The following EXOC3L4 variants were observed in gnomAD, a reference collection of about 807,000 sequenced individuals.
The protein encoded by EXOC3L4 is exocyst complex component 3-like protein 4.
Under a neutral mutation model 69.7 loss-of-function variants are expected in EXOC3L4, and 62 were observed. The ratio of observed to expected loss-of-function variants is 0.89; its 90% CI spans 0.72 to 1.10. The LOEUF (loss-of-function observed/expected upper bound fraction) is 1.10, where lower values mean the gene tolerates loss of function less well. Ranked by LOEUF, EXOC3L4 falls within the 50% of genes least tolerant of loss-of-function variation. EXOC3L4 has a pLI of 0.00. For missense variants in EXOC3L4, 1,087 were observed against 1,034.8 expected (o/e 1.05, Z -0.69); for synonymous variants, 502 against 464.2 (o/e 1.08, Z -1.05).
At chr14:103,103,707 C>T (rs1282994997) in intron 3 of EXOC3L4, 5 of 520,714 alleles carry the variant, frequency 9.6e-6, no homozygotes, top group South Asian at 5.0e-5. Context: ...TCTGGGTAGC[C>T]GTCCTTCAGC....
Position 103,102,580 on chromosome 14 carries a change from T to G in EXOC3L4, c.857T>G (p.Val286Gly). The change falls in exon 3 of 12, where the codon GTT (valine) becomes GGT (glycine). Residue 286 changes from valine (V) to glycine (G), a missense_variant. Physicochemically the swap from Val to Gly is moderately radical, Grantham distance 109. Coordinates refer to ENST00000688303, the MANE Select transcript of EXOC3L4 (RefSeq NM_001077594.2). ...CTTCTGGCCGAGCTGGGTGGCTTGG[T>G]TCGCCGCGACCTGCAGAAGGTGCGG... ...AQLLAELGGL[V>G]RRDLQKVRQE... 1 of 1,465,208 alleles carries G rather than the reference T, an allele frequency of 6.8e-7. No individual in the cohort carries two copies. The highest frequency in any genetic ancestry group is 9.0e-7 in the Non-Finnish European group (1 of 1,111,640). The allele number at this position is 1,465,208 out of a possible 1,614,324, so 90.8% of individuals were successfully genotyped here. A position where few individuals can be genotyped will look rare whatever the true frequency, so the allele number is the denominator to read the frequency against.
Position 103,110,296 on chromosome 14 carries a change from G to A in EXOC3L4, c.*73G>A, listed in dbSNP as rs1890863602. On this transcript the variant is annotated 3_prime_UTR_variant, in exon 12 of 12. Transcript: ENST00000688303. Reference sequence around the variant, plus strand: ...CAGTGGGGGTCAGCCAGGAGCCCAGGGAGTCACTCTGGGCCCTGCCCCCAA... The same window carrying A: ...CAGTGGGGGTCAGCCAGGAGCCCAGAGAGTCACTCTGGGCCCTGCCCCCAA... 1.4e-6 allele frequency: 2 copies of A among 1,462,504 alleles called. No individual in the cohort carries two copies. The highest frequency in any genetic ancestry group is 1.3e-5 in the South Asian group (1 of 79,396). 90.6% of individuals were successfully genotyped at this position (1,462,504 alleles called of 1,614,324 possible).
intron 2 of EXOC3L4, among the ~76,000 whole-genome samples, chr14:103,101,573 T>C (rs1890187061): frequency 6.6e-6 from 1 of 152,066 alleles, no homozygotes; most frequent in Non-Finnish European, 1.5e-5. Context: ...ACACAGCTGA[T>C]CACAGGGTTG....
chr14:103,107,204 G>A (rs1033696489), intron 8 of EXOC3L4, among the ~76,000 whole-genome samples: 7 of 152,182 alleles, frequency 4.6e-5, no homozygotes, highest in African/African-American at 9.7e-5. Flanking sequence ...GGCATGCCCT[G>A]AGCAGATCTG....
rs61730322 is a variant in EXOC3L4, at chr14:103,100,437, C to T, written c.218C>T (p.Thr73Met). 8.2e-3 allele frequency: 13,269 copies of T among 1,613,224 alleles called. 688 individuals carry two copies. The African/African-American group carries it at 0.13, about 16-fold the overall frequency. ...TTGACCCAGGTCTCCAAGGAAGATA[C>T]GGGCCTGTTCCGGCGAAGCTCCTGC... ...RALTQVSKED[T>M]GLFRRSSCSL... Residue 73 changes from threonine (T) to methionine (M), a missense_variant, in exon 2 of 12, where the codon ACG becomes ATG. Transcript: ENST00000688303.
intron 7 of EXOC3L4, among the ~76,000 whole-genome samples, chr14:103,106,176 G>C (rs1890537558): frequency 6.6e-6 from 1 of 152,254 alleles, no homozygotes; most frequent in Non-Finnish European, 1.5e-5. Context: ...TGGCCACGTA[G>C]CCAGGAAGTG....
rs1410338650 is a variant in EXOC3L4 at position 103,102,475 on chromosome 14, G to A, written c.752G>A (p.Arg251Gln). Residue 251 changes from arginine to glutamine, a missense_variant, in exon 3 of 12, where the codon CGA (arginine) becomes CAA (glutamine). Physicochemically the swap from Arg to Gln is conservative, Grantham distance 43 (BLOSUM62 1). Transcript: ENST00000688303. ...CAGCACTGGGAGGAGGCGGTGCGGC[G>A]AAGCGCTCAGGAGCGCGTGCGGCGG... ...WRQHWEEAVRRSAQERVRRPG... is the reference protein window; with the variant it reads ...WRQHWEEAVRQSAQERVRRPG... 6.9e-6 allele frequency: 10 copies of A among 1,442,014 alleles called. No homozygotes were observed. Among genetic ancestry groups the A allele is most frequent in the South Asian group, 1.5e-5 (1 of 68,840 alleles). The allele number at this position is 1,442,014 out of a possible 1,614,324, so 89.3% of individuals were successfully genotyped here.
Position 103,102,254 on chromosome 14 carries a change from G to A in EXOC3L4, c.531G>A (p.Arg177=). The A allele has an allele frequency of 6.3e-7, 1 of 1,586,756 alleles. No individual in the cohort carries two copies. The highest frequency in any genetic ancestry group is 8.6e-7 in the Non-Finnish European group (1 of 1,168,618). Reference sequence around the variant, plus strand: ...AGCAGGACCCTACGGCCTTCGCGCGGCGCGCTATGGACGTGTGCCTGCTTT... The same window carrying A: ...AGCAGGACCCTACGGCCTTCGCGCGACGCGCTATGGACGTGTGCCTGCTTT... ...TFEQDPTAFA[R]RAMDVCLLYD... The change falls in exon 3 of 12, where the codon CGG becomes CGA. Residue 177 remains arginine, a synonymous_variant. Transcript: ENST00000688303.
At chr14:103,105,431 T>C (rs1020146061) in intron 7 of EXOC3L4, among the ~76,000 whole-genome samples, 4 of 148,072 alleles carry the variant, frequency 2.7e-5, no homozygotes, top group Non-Finnish European at 4.5e-5. Context: ...TGGAGCTGAG[T>C]GGTGTGTGTG....
chr14:103,104,288 G>C lies in EXOC3L4; in HGVS notation c.1183G>C (p.Asp395His), dbSNP rs751717310. 6.3e-6 allele frequency: 10 copies of C among 1,596,098 alleles called. No homozygotes were observed. In the Admixed American group the frequency reaches 1.4e-4, roughly 22 times the overall value. ...FLEAKIASCF[D>H]SILQLEQSHW... is the part of the protein sequence containing the mutation. ...CCAGGCCAAGATCGCAAGCTGCTTCGACAGCATCTTGCAGCTGGAGCAGAG... is the reference window on the plus strand; with the variant it reads ...CCAGGCCAAGATCGCAAGCTGCTTCCACAGCATCTTGCAGCTGGAGCAGAG... The change falls in exon 5 of 12, where the codon GAC (aspartate) becomes CAC (histidine). Residue 395 changes from aspartate to histidine, a missense_variant. Coordinates refer to ENST00000688303, the MANE Select transcript of EXOC3L4 (RefSeq NM_001077594.2).
chr14:103,109,787 T>C (rs1442470181), intron 11 of EXOC3L4, among the ~76,000 whole-genome samples: 1 of 147,542 alleles, frequency 6.8e-6, no homozygotes, highest in Non-Finnish European at 1.5e-5. Context: ...TTGCGTGGGC[T>C]CTTTCCCACT....
intron 7 of EXOC3L4, among the ~76,000 whole-genome samples, 162 bp downstream of exon 7, chr14:103,105,234 T>C (rs894430501): frequency 2.0e-5 from 3 of 148,090 alleles, no homozygotes; most frequent in Non-Finnish European, 4.6e-5. Flanking sequence ...GGGGTGTGTG[T>C]GCGTGTGTGT....
At chr14:103,107,917 G>A in intron 10 of EXOC3L4, 134 bp downstream of exon 10, 1 of 1,296,218 alleles carries the variant, frequency 7.7e-7, no homozygotes, top group Non-Finnish European at 1.0e-6. Context: ...ACAGGGACTG[G>A]GGCGCCTGTG....
intron 1 of EXOC3L4, 64 bp from the exon 2 acceptor site, chr14:103,100,140 A>C: frequency 3.5e-6 from 5 of 1,434,840 alleles, no homozygotes; most frequent in Non-Finnish European, 4.6e-6. Flanking sequence ...GGGTGTGGCC[A>C]GGCCCCACAG....
At chr14:103,107,882 T>A in intron 10 of EXOC3L4, 99 bp downstream of exon 10, 1 of 1,424,976 alleles carries the variant, frequency 7.0e-7, no homozygotes, top group South Asian at 1.5e-5. Flanking sequence ...GCAGGAGTGG[T>A]TCTCCCCACT....
intron 3 of EXOC3L4, among the ~76,000 whole-genome samples, chr14:103,103,211 C>T (rs553267526): frequency 5.3e-4 from 80 of 152,124 alleles, no homozygotes; most frequent in African/African-American, 1.8e-3. Context: ...AAAAATTAGC[C>T]GGGCATGGTG....
In EXOC3L4 at chr14:103,096,352, C is replaced by A. The variant is rs1186752424; in HGVS notation, c.-17+1512C>A. ...AGTGGGTGAAGTGACACAGCGAGAC[C>A]TCGTCTCTAAAAACAATAAACAAAG... On this transcript the variant is annotated intron_variant, in intron 1 of 11. Transcript: ENST00000688303. Among the ~76,000 whole-genome samples, 12 of 148,608 alleles carry A rather than the reference C, an allele frequency of 8.1e-5. No homozygotes were observed. The Admixed American group carries it at 8.2e-4, about 10-fold the overall frequency.
intron 10 of EXOC3L4, 39 bp from the exon 11 acceptor site, chr14:103,108,357 G>A (rs766998057): frequency 1.2e-6 from 2 of 1,606,770 alleles, no homozygotes; most frequent in Non-Finnish European, 1.7e-6. Flanking sequence ...CAGCGGTGGG[G>A]AGAGGGCTGT....
At chr14:103,095,664 G>A (rs1889858511) in intron 1 of EXOC3L4, among the ~76,000 whole-genome samples, 1 of 152,202 alleles carries the variant, frequency 6.6e-6, no homozygotes, top group Non-Finnish European at 1.5e-5. Context: ...TTCTTCCGAG[G>A]GCAGCAGCGG....
Sources: gnomAD v4.1 joint callset for allele counts (sites outside exome capture counted in the v4.1 genomes callset) on GRCh38, gnomAD v4.1.1 for gene constraint, MANE v1.5 for transcripts, NCBI Gene and HGNC (gene_info 2026-07-23, HGNC 2026-07-21) for gene names.